The following SRC variants were observed in gnomAD, a reference collection of about 807,000 sequenced individuals.
SRC encodes the protein SRC proto-oncogene, non-receptor tyrosine kinase, also known as proto-oncogene tyrosine-protein kinase Src.
A neutral mutation model predicts 62.9 loss-of-function variants in SRC; 13 were observed. The ratio of observed to expected loss-of-function variants is 0.21; its 90% CI spans 0.13 to 0.33. The LOEUF (loss-of-function observed/expected upper bound fraction) is 0.33. Ranked by LOEUF, SRC falls within the 10% of genes least tolerant of loss-of-function variation. The pLI is 1.00. For synonymous variants in SRC, 302 were observed against 317.5 expected, an observed-to-expected ratio of 0.95 and a Z score of 0.52; for missense variants, 457 against 737.3, an observed-to-expected ratio of 0.62 and a Z score of 4.40.
intron 2 of SRC, among the ~76,000 whole-genome samples, chr20:37,381,783 C>A (rs1045705515): frequency 6.6e-6 from 1 of 152,134 alleles, no homozygotes; most frequent in African/African-American, 2.4e-5. Flanking sequence ...GGTATCGTGA[C>A]CTCAATGGAA....
chr20:37,401,802 C>A, intron 11 of SRC, 124 bp downstream of exon 11: 2 of 625,944 alleles, frequency 3.2e-6, no homozygotes, highest in East Asian at 3.1e-5. Context: ...CCTCCACACT[C>A]ACTGATCTTG....
intron 1 of SRC, among the ~76,000 whole-genome samples, chr20:37,352,001 G>A (rs11697215): frequency 2.6e-4 from 40 of 152,258 alleles, no homozygotes; most frequent in East Asian, 3.9e-4. Context: ...CCAGTCGGAC[G>A]TGGAGTACTG....
intron 1 of SRC, among the ~76,000 whole-genome samples, chr20:37,362,595 A>C (rs2069991230): frequency 6.6e-6 from 1 of 151,928 alleles, no homozygotes; most frequent in Non-Finnish European, 1.5e-5. Context: ...TCTGAGCCTT[A>C]GCCTCCTCAG....
In SRC at chr20:37,402,186, A is replaced by G. The variant is rs2070747360; in HGVS notation, c.1117-249A>G. On this transcript the variant is annotated intron_variant, in intron 11 of 13. Coordinates refer to ENST00000373578, the MANE Select transcript of SRC (RefSeq NM_198291.3). This position sits in a 1 kb window ranked among gnomAD's most constrained non-coding sequence, Gnocchi z 6.2. ...CTGGTCACCTCGCTTTCCTGGCTGC[A>G]TCGGATCTCGTGCCTCCCCTTTGAC... 6.7e-6 allele frequency: 3 copies of G among 451,028 alleles called. No individual in the cohort carries two copies. Among genetic ancestry groups the G allele is most frequent in the Non-Finnish European group, 7.8e-6 (2 of 254,786 alleles). The allele number at this position is 451,028 out of a possible 1,614,324, so 27.9% of individuals were successfully genotyped here.
intron 1 of SRC, among the ~76,000 whole-genome samples, chr20:37,347,401 C>G (rs554993801): frequency 6.6e-6 from 1 of 152,186 alleles, no homozygotes; most frequent in African/African-American, 2.4e-5. Flanking sequence ...AGAGACTGCC[C>G]CTCTAAGTCC....
At chr20:37,374,744 T>TCC (rs2070251268) in intron 2 of SRC, among the ~76,000 whole-genome samples, 1 of 151,560 alleles carries the variant, frequency 6.6e-6, no homozygotes, top group African/African-American at 2.4e-5. Flanking sequence ...CTGGCTTATT[T>TCC]TTGTACTTTT....
Position 37,393,820 on chromosome 20 carries a change from T to C in SRC, c.351-75T>C, listed in dbSNP as rs1476773010. Reference sequence around the variant, plus strand: ...CCACTAGAGCCCTGAGCACAGCACCTAGGAGGATGGTGGGCACCGGGCTTG... The same window carrying C: ...CCACTAGAGCCCTGAGCACAGCACCCAGGAGGATGGTGGGCACCGGGCTTG... On this transcript the variant is annotated intron_variant, in intron 5 of 13. Coordinates refer to ENST00000373578, the MANE Select transcript of SRC (RefSeq NM_198291.3). 2.6e-6 allele frequency: 3 copies of C among 1,160,478 alleles called. No individual in the cohort carries two copies. In the African/African-American group the frequency reaches 4.5e-5, roughly 18 times the overall value. The allele number at this position is 1,160,478 out of a possible 1,614,324, so 71.9% of individuals were successfully genotyped here.
At position 37,404,874 on chromosome 20, in the gene SRC, C is replaced by CTG. The variant is rs764585480; in HGVS notation, c.*1505_*1506dup. ...GTTTGTGGCATCTTGCCAAGGGTCC[C>CTG]TGTGTGTGTGTATGTGTGTGCATGT... On this transcript the variant is annotated 3_prime_UTR_variant, in exon 14 of 14. Transcript: ENST00000373578. 33 of 233,724 alleles carry CTG rather than the reference C, an allele frequency of 1.4e-4. No individual in the cohort carries two copies. The highest frequency in any genetic ancestry group is 5.4e-4 in the South Asian group (3 of 5,522). The allele number at this position is 233,724 out of a possible 1,614,324, so 14.5% of individuals were successfully genotyped here.
chr20:37,393,449 G>C (rs1288558185), intron 5 of SRC, among the ~76,000 whole-genome samples: 2 of 152,200 alleles, frequency 1.3e-5, no homozygotes, highest in Non-Finnish European at 2.9e-5. Flanking sequence ...ACACTTTGTA[G>C]GTCTCACTTG....
At chr20:37,394,659 C>T (rs1411558427) in intron 7 of SRC, among the ~76,000 whole-genome samples, 1 of 152,090 alleles carries the variant, frequency 6.6e-6, no homozygotes, top group Non-Finnish European at 1.5e-5. Flanking sequence ...CTGGTTTTGC[C>T]CTCCCCCAAC....
At chr20:37,361,587 A>G (rs1006089486) in intron 1 of SRC, among the ~76,000 whole-genome samples, 2 of 152,200 alleles carry the variant, frequency 1.3e-5, no homozygotes, top group African/African-American at 4.8e-5. Flanking sequence ...GCTGGCAGGG[A>G]ACAGTGGGTG....
chr20:37,346,701 G>A (rs1015676488), intron 1 of SRC, among the ~76,000 whole-genome samples: 18 of 152,106 alleles, frequency 1.2e-4, no homozygotes, highest in Admixed American at 2.6e-4. Flanking sequence ...GGCGGGCTGA[G>A]GGGCCCCGGG....
At chr20:37,373,976 A>C (rs925671653) in intron 2 of SRC, among the ~76,000 whole-genome samples, 1 of 150,786 alleles carries the variant, frequency 6.6e-6, no homozygotes, top group African/African-American at 2.4e-5. Context: ...ACTCTTATTC[A>C]TATGTTTTTA....
chr20:37,356,216 C>G (rs1600955410), intron 1 of SRC, among the ~76,000 whole-genome samples: 2 of 152,100 alleles, frequency 1.3e-5, no homozygotes, highest in East Asian at 3.9e-4. Flanking sequence ...GGAGATAGAG[C>G]TTGACAAAGG....
At chr20:37,390,792 A>G (rs1469714278) in intron 5 of SRC, among the ~76,000 whole-genome samples, 1 of 152,158 alleles carries the variant, frequency 6.6e-6, no homozygotes, top group Non-Finnish European at 1.5e-5. Context: ...TGGAGGGGCC[A>G]AGGTCAGACA....
chr20:37,392,894 G>A (rs1203932435), intron 5 of SRC, among the ~76,000 whole-genome samples: 1 of 151,656 alleles, frequency 6.6e-6, no homozygotes. Flanking sequence ...GCCACTCTCC[G>A]CCTCTCACCA....
At position 37,405,158 on chromosome 20, in the gene SRC, C is replaced by T. The variant is rs987580305; in HGVS notation, c.*1779C>T. ...TCCATTCCAGTCAAATCTGGGCTCA[C>T]TCACCCCAGCGAGCTCTCAAATCCC... On this transcript the variant is annotated 3_prime_UTR_variant, in exon 14 of 14. Coordinates refer to ENST00000373578, the MANE Select transcript of SRC (RefSeq NM_198291.3). 3 of 232,748 alleles carry T rather than the reference C, an allele frequency of 1.3e-5. No homozygotes were observed. Among genetic ancestry groups the T allele is most frequent in the African/African-American group, 2.2e-5 (1 of 45,270 alleles). The allele number at this position is 232,748 out of a possible 1,614,324, so 14.4% of individuals were successfully genotyped here.
chr20:37,356,965 C>T (rs577083803), intron 1 of SRC, among the ~76,000 whole-genome samples: 16 of 152,316 alleles, frequency 1.1e-4, no homozygotes, highest in East Asian at 7.7e-4. Flanking sequence ...TTCCCTCCTA[C>T]GGCTCCTGAG....
At chr20:37,373,033 TACACATATAC>T (rs2070192533) in intron 2 of SRC, among the ~76,000 whole-genome samples, 1 of 151,802 alleles carries the variant, frequency 6.6e-6, no homozygotes, top group Non-Finnish European at 1.5e-5. Context: ...TACACATATA[TACACATATAC>T]ACATATATAC....
Sources: gnomAD v4.1 joint callset for allele counts (sites outside exome capture counted in the v4.1 genomes callset) on GRCh38, gnomAD v4.1.1 for gene constraint, Gnocchi (gnomAD v3.1) non-coding constraint, MANE v1.5 for transcripts, NCBI Gene and HGNC (gene_info 2026-07-23, HGNC 2026-07-21) for gene names.